PPFIA2: variants seen among roughly 807,000 people sequenced by gnomAD.
PPFIA2 encodes PPFI scaffold protein A2, also known as liprin-alpha-2.
PPFIA2 carries 46 observed loss-of-function variants against 175.5 expected under a neutral mutation model. That is an observed-to-expected ratio of 0.26 (90% CI 0.21 to 0.34). PPFIA2 has a LOEUF of 0.34. PPFIA2 is among the 10% of genes least tolerant of loss of function. PPFIA2 has a pLI of 1.00. For missense variants in PPFIA2, 1,179 were observed against 1,506.1 expected (o/e 0.78, Z 3.60); for synonymous variants, 568 against 511.4 (o/e 1.11, Z -1.49).
At chr12:81,546,646 A>G (rs1038040378) in intron 4 of PPFIA2, among the ~76,000 whole-genome samples, 2 of 152,178 alleles carry the variant, frequency 1.3e-5, no homozygotes, top group Admixed American at 1.3e-4. Context: ...AAAAGCATCT[A>G]ATGAATTCAC....
At chr12:81,657,682 T>G (rs917592079) in intron 4 of PPFIA2, among the ~76,000 whole-genome samples, 27 of 152,202 alleles carry the variant, frequency 1.8e-4, no homozygotes, top group African/African-American at 6.5e-4. Flanking sequence ...CAAACTGATG[T>G]ACCTTAAACA....
rs574592559 is a variant in PPFIA2 at position 81,281,445 on chromosome 12, C to T, written c.3024G>A (p.Pro1008=). ...CATAAGCCAGGGTCTGTAGAAAAACCGGACACTAGAATTGTTTTATAGCAG... is the reference window on the plus strand; with the variant it reads ...CATAAGCCAGGGTCTGTAGAAAAACTGGACACTAGAATTGTTTTATAGCAG... ...ESEEGSWAQC[P]VFLQTLAYGD... is the part of the protein sequence containing the mutation. The change falls in exon 27 of 33, where the codon CCG becomes CCA. Residue 1008 remains proline, a synonymous_variant. Coordinates refer to ENST00000549396, the MANE Select transcript of PPFIA2 (RefSeq NM_003625.5). 101 of 1,596,234 alleles carry T rather than the reference C, an allele frequency of 6.3e-5. No homozygotes were observed. Among genetic ancestry groups the T allele is most frequent in the Middle Eastern group, 1.7e-4 (1 of 6,020 alleles).
chr12:81,743,411 CAAAAAAAAAAAAAAAAAAAAAA>C (rs772497730), intron 3 of PPFIA2, among the ~76,000 whole-genome samples: 3 of 24,854 alleles, frequency 1.2e-4, no homozygotes, highest in Admixed American at 7.7e-4. Context: ...GACTCCGTCT[CAAAAAAAAAAAAAAAAAAAAAA>C]AAAAAAAAAA....
intron 4 of PPFIA2, among the ~76,000 whole-genome samples, chr12:81,582,323 T>C (rs1176288451): frequency 6.6e-6 from 1 of 151,922 alleles, no homozygotes; most frequent in East Asian, 1.9e-4. Context: ...GTGATTTTCT[T>C]CATCCTTTCT....
At chr12:81,625,738 A>C (rs1430974637) in intron 4 of PPFIA2, among the ~76,000 whole-genome samples, 1 of 151,060 alleles carries the variant, frequency 6.6e-6, no homozygotes, top group African/African-American at 2.4e-5. Flanking sequence ...TCATTTATAT[A>C]TTACCTCTGC....
At chr12:81,704,110 AT>A (rs1008620245) in intron 3 of PPFIA2, among the ~76,000 whole-genome samples, 1 of 152,116 alleles carries the variant, frequency 6.6e-6, no homozygotes, top group African/African-American at 2.4e-5. Context: ...GTTCTAGTAC[AT>A]TTCCTGGACT....
intron 8 of PPFIA2, among the ~76,000 whole-genome samples, chr12:81,391,814 G>A (rs2040178330): frequency 6.6e-6 from 1 of 152,006 alleles, no homozygotes; most frequent in Admixed American, 6.6e-5. Context: ...CAGTTTTCTG[G>A]CAGAGGAAAC....
intron 4 of PPFIA2, among the ~76,000 whole-genome samples, chr12:81,508,791 A>T: frequency 8.8e-6 from 1 of 113,724 alleles, no homozygotes; most frequent in Non-Finnish European, 1.7e-5. Flanking sequence ...CAGTCCCCAG[A>T]GTGTGATGTT....
chr12:81,361,993 CTATGTATCTATG>C (rs2030742265), intron 15 of PPFIA2, among the ~76,000 whole-genome samples: 1 of 123,662 alleles, frequency 8.1e-6, no homozygotes, highest in African/African-American at 3.2e-5. Flanking sequence ...ATGTATCTAT[CTATGTATCTATG>C]TATCTATCTA....
intron 4 of PPFIA2, among the ~76,000 whole-genome samples, chr12:81,572,819 A>T (rs2072805969): frequency 6.6e-6 from 1 of 151,912 alleles, no homozygotes; most frequent in Non-Finnish European, 1.5e-5. Context: ...AGCCTGAGAT[A>T]GTTGTGTGTT....
At chr12:81,397,887 T>C (rs2142532689) in intron 8 of PPFIA2, among the ~76,000 whole-genome samples, 1 of 152,036 alleles carries the variant, frequency 6.6e-6, no homozygotes, top group African/African-American at 2.4e-5. Flanking sequence ...AACCCTATTG[T>C]GAACTGTCCA....
At chr12:81,488,027 A>G (rs1405503906) in intron 4 of PPFIA2, among the ~76,000 whole-genome samples, 1 of 151,932 alleles carries the variant, frequency 6.6e-6, no homozygotes, top group Non-Finnish European at 1.5e-5. Flanking sequence ...TAGTGGATAC[A>G]TTAGTTGTGG....
At chr12:81,345,642 A>C (rs565669630) in intron 18 of PPFIA2, among the ~76,000 whole-genome samples, 4 of 152,326 alleles carry the variant, frequency 2.6e-5, no homozygotes, top group African/African-American at 9.6e-5. Flanking sequence ...AAATAAAAGC[A>C]ATACAAAAAT....
intron 4 of PPFIA2, among the ~76,000 whole-genome samples, chr12:81,582,479 T>C (rs1049763086): frequency 4.6e-5 from 7 of 151,876 alleles, no homozygotes; most frequent in African/African-American, 9.7e-5. Context: ...GCTAATTTTC[T>C]AGGCCTGTGA....
intron 3 of PPFIA2, among the ~76,000 whole-genome samples, chr12:81,706,873 T>C (rs1197131840): frequency 6.6e-6 from 1 of 152,144 alleles, no homozygotes; most frequent in Non-Finnish European, 1.5e-5. Flanking sequence ...ACCGCATATC[T>C]ACAACTATCT....
chr12:81,745,490 C>T (rs1347368356), intron 3 of PPFIA2, among the ~76,000 whole-genome samples: 2 of 152,172 alleles, frequency 1.3e-5, no homozygotes, highest in African/African-American at 2.4e-5. Flanking sequence ...GAAGCAATGA[C>T]CTTTTTTTTC....
At chr12:81,532,331 A>T (rs2064696258) in intron 4 of PPFIA2, among the ~76,000 whole-genome samples, 1 of 151,714 alleles carries the variant, frequency 6.6e-6, no homozygotes, top group Non-Finnish European at 1.5e-5. Flanking sequence ...GAGCAGAGAG[A>T]AAAAAAGAAA....
rs140284770 is a variant in PPFIA2 at position 81,506,992 on chromosome 12, A to G, written c.304-49126T>C. On this transcript the variant is annotated intron_variant, in intron 4 of 32. Transcript: ENST00000549396. ...CTAATGCTTTAAAGCATCCAATTAC[A>G]CACTAACTTCCCTCATACACATACA... Among the ~76,000 whole-genome samples the G allele has an allele frequency of 1.2e-4, 19 of 152,324 alleles. 1 individual carries two copies. Among genetic ancestry groups the G allele is most frequent in the African/African-American group, 4.6e-4 (19 of 41,578 alleles).
intron 28 of PPFIA2, among the ~76,000 whole-genome samples, chr12:81,271,959 C>G (rs1565837772): frequency 6.6e-6 from 1 of 151,450 alleles, no homozygotes; most frequent in Non-Finnish European, 1.5e-5. Context: ...TTTTGTTTGT[C>G]TGAAAGTTTA....
Sources: gnomAD v4.1 joint callset for allele counts (sites outside exome capture counted in the v4.1 genomes callset) on GRCh38, gnomAD v4.1.1 for gene constraint, MANE v1.5 for transcripts, NCBI Gene and HGNC (gene_info 2026-07-23, HGNC 2026-07-21) for gene names.